The following LOC122539214 variants were observed in gnomAD, a reference collection of about 807,000 sequenced individuals.
the LOC122539214 span, among the ~76,000 whole-genome samples, chr19:52,657,966 G>C: frequency 1.3e-5 from 2 of 151,734 alleles, no homozygotes; most frequent in African/African-American, 4.8e-5. Flanking sequence ...GAGAAACTCT[G>C]TCTCTACTAA....
the LOC122539214 span, among the ~76,000 whole-genome samples, chr19:52,663,889 CTTTAT>C: frequency 1.3e-5 from 2 of 152,146 alleles, no homozygotes; most frequent in East Asian, 3.9e-4. Context: ...ATTTATTTTA[CTTTAT>C]TTTATTTTAT....
chr19:52,682,076 G>A, the LOC122539214 span, among the ~76,000 whole-genome samples: 2 of 152,132 alleles, frequency 1.3e-5, no homozygotes, highest in South Asian at 4.1e-4. Flanking sequence ...TTGAATTCCC[G>A]ACCTCATGAT....
chr19:52,683,525 G>C, the LOC122539214 span, among the ~76,000 whole-genome samples: 1 of 29,072 alleles, frequency 3.4e-5, no homozygotes. Context: ...GGAATCCAAA[G>C]GGAAGGGCAA....
At chr19:52,668,912 C>T in the LOC122539214 span, among the ~76,000 whole-genome samples, 1 of 152,116 alleles carries the variant, frequency 6.6e-6, no homozygotes. Flanking sequence ...TCCCAAAGTT[C>T]GACACCCTGT....
chr19:52,664,352 C>A, the LOC122539214 span, among the ~76,000 whole-genome samples: 5 of 151,898 alleles, frequency 3.3e-5, no homozygotes, highest in African/African-American at 1.2e-4. Flanking sequence ...AAAAATTTGC[C>A]CTATGCGGTG....
chr19:52,680,701 C>T, the LOC122539214 span, among the ~76,000 whole-genome samples: 305 of 143,012 alleles, frequency 2.1e-3, 1 homozygote, highest in African/African-American at 7.4e-3. Context: ...CAAGCTCCGC[C>T]TCCCGGGTTC....
At chr19:52,675,707 A>AG in the LOC122539214 span, among the ~76,000 whole-genome samples, 1 of 147,690 alleles carries the variant, frequency 6.8e-6, no homozygotes, top group Non-Finnish European at 1.5e-5. Context: ...CAGGAAAGGA[A>AG]GGGCAAGGGT....
the LOC122539214 span, chr19:52,650,692 G>GA: frequency 2.0e-5 from 3 of 152,148 alleles, no homozygotes; most frequent in Non-Finnish European, 2.9e-5. Flanking sequence ...CAAAGTCTCA[G>GA]AAAAAACAGA....
At chr19:52,679,027 C>T in the LOC122539214 span, among the ~76,000 whole-genome samples, 2 of 151,502 alleles carry the variant, frequency 1.3e-5, no homozygotes, top group African/African-American at 4.8e-5. Context: ...TTCAACCTCA[C>T]AAGCTCCCTT....
At chr19:52,689,954 G>A in the LOC122539214 span, among the ~76,000 whole-genome samples, 189 of 152,292 alleles carry the variant, frequency 1.2e-3, no homozygotes, top group African/African-American at 4.3e-3. Flanking sequence ...GGAGCAGCAG[G>A]GCCCGGCACG....
chr19:52,666,492 C>A, the LOC122539214 span, among the ~76,000 whole-genome samples: 1 of 151,998 alleles, frequency 6.6e-6, no homozygotes, highest in Non-Finnish European at 1.5e-5. Flanking sequence ...ACCCAGTAAA[C>A]CGCGGATGGC....
At chr19:52,678,755 C>T in the LOC122539214 span, among the ~76,000 whole-genome samples, 1 of 152,004 alleles carries the variant, frequency 6.6e-6, no homozygotes, top group East Asian at 1.9e-4. Flanking sequence ...GGGTGTATCA[C>T]CTGAGGTAAA....
chr19:52,662,024 C>T, the LOC122539214 span, among the ~76,000 whole-genome samples: 1 of 151,486 alleles, frequency 6.6e-6, no homozygotes, highest in East Asian at 2.0e-4. Context: ...GTGAGGAGGA[C>T]ACAGGCAGGA....
the LOC122539214 span, among the ~76,000 whole-genome samples, chr19:52,665,374 C>A: frequency 6.6e-6 from 1 of 151,918 alleles, no homozygotes; most frequent in Non-Finnish European, 1.5e-5. Flanking sequence ...CAAAGTAAGA[C>A]CCTCTACCCC....
chr19:52,679,034 C>T, the LOC122539214 span, among the ~76,000 whole-genome samples: 6 of 152,090 alleles, frequency 3.9e-5, no homozygotes, highest in South Asian at 1.2e-3. Flanking sequence ...TCACAAGCTC[C>T]CTTAATAAGA....
chr19:52,657,558 C>G, the LOC122539214 span, among the ~76,000 whole-genome samples: 1 of 152,010 alleles, frequency 6.6e-6, no homozygotes, highest in Non-Finnish European at 1.5e-5. Context: ...TAAAAAAGGC[C>G]AGGCATGGGC....
At chr19:52,670,840 A>G in the LOC122539214 span, among the ~76,000 whole-genome samples, 1 of 152,320 alleles carries the variant, frequency 6.6e-6, no homozygotes, top group Middle Eastern at 3.4e-3. Context: ...ACATTTTCTG[A>G]TTAGAATTGG....
chr19:52,680,798 G>C, the LOC122539214 span, among the ~76,000 whole-genome samples: 1 of 148,094 alleles, frequency 6.8e-6, no homozygotes, highest in Admixed American at 6.7e-5. Context: ...ATTTTTAGTA[G>C]AGACGGGGTT....
chr19:52,659,613 C>CAAA, the LOC122539214 span, among the ~76,000 whole-genome samples: 235 of 114,276 alleles, frequency 2.1e-3, 6 homozygotes, highest in African/African-American at 6.9e-3. Flanking sequence ...GACTCCAACT[C>CAAA]AAAAAAAAAA....
Sources: allele counts gnomAD v4.1 joint callset (sites outside exome capture counted in the v4.1 genomes callset), GRCh38; gene constraint gnomAD v4.1.1; transcripts MANE v1.5.